The following CNTN1 variants were observed in gnomAD, a reference collection of about 807,000 sequenced individuals.
CNTN1 encodes the protein contactin-1.
CNTN1 carries 38 observed loss-of-function variants against 126.4 expected under a neutral mutation model. The ratio of observed to expected loss-of-function variants is 0.30; its 90% CI spans 0.23 to 0.39. CNTN1 has a LOEUF of 0.39. Ranked by LOEUF, CNTN1 falls within the 10% of genes least tolerant of loss-of-function variation. The pLI is 1.00. For missense variants in CNTN1, 1,009 were observed against 1,248.4 expected (o/e 0.81, Z 2.89); for synonymous variants, 413 against 422.6 (o/e 0.98, Z 0.28).
chr12:40,814,141 T>C (rs577008330), intron 1 of CNTN1, among the ~76,000 whole-genome samples: 48 of 152,360 alleles, frequency 3.2e-4, no homozygotes, highest in African/African-American at 1.1e-3. Flanking sequence ...TCCCATTCTG[T>C]AGTTTGCCTC....
Position 41,070,048 on chromosome 12 carries a change from A to G in CNTN1, c.*13A>G. On this transcript the variant is annotated 3_prime_UTR_variant, in exon 24 of 24. Transcript: ENST00000551295. ...CTTGGAATTCTGAATGTGTTGTGAC[A>G]GCTGCTGTTCCCATCCCAGCTCAGA... is the stretch of plus-strand genomic sequence containing the variant. 1.9e-6 allele frequency: 3 copies of G among 1,612,644 alleles called. No homozygotes were observed. Among genetic ancestry groups the G allele is most frequent in the Non-Finnish European group, 2.5e-6 (3 of 1,178,818 alleles).
chr12:40,704,973 G>C (rs1218365595), intron 1 of CNTN1, among the ~76,000 whole-genome samples: 1 of 152,096 alleles, frequency 6.6e-6, no homozygotes, highest in African/African-American at 2.4e-5. Context: ...GCTTATCCTT[G>C]CAATAAAAAT....
chr12:40,976,594 GT>G (rs758174506), intron 15 of CNTN1, among the ~76,000 whole-genome samples: 3 of 151,840 alleles, frequency 2.0e-5, no homozygotes, highest in Non-Finnish European at 2.9e-5. Flanking sequence ...GTATGGTTGG[GT>G]TTTTTTCATT....
At chr12:40,985,809 T>C (rs1229443645) in intron 16 of CNTN1, among the ~76,000 whole-genome samples, 1 of 152,030 alleles carries the variant, frequency 6.6e-6, no homozygotes, top group Non-Finnish European at 1.5e-5. Context: ...TCTTGACACA[T>C]ATGTTAGATT....
At chr12:40,700,905 C>T (rs766438962) in intron 1 of CNTN1, among the ~76,000 whole-genome samples, 31 of 152,166 alleles carry the variant, frequency 2.0e-4, no homozygotes, top group Non-Finnish European at 4.0e-4. Context: ...CAAAACTTTA[C>T]AAAACCAGTG....
chr12:41,048,261 C>G (rs1455885967), intron 23 of CNTN1, among the ~76,000 whole-genome samples: 1 of 152,142 alleles, frequency 6.6e-6, no homozygotes, highest in Non-Finnish European at 1.5e-5. Flanking sequence ...CTGGGCCATT[C>G]CACTAGATTT....
At chr12:40,848,801 C>A (rs1284423238) in intron 1 of CNTN1, among the ~76,000 whole-genome samples, 1 of 143,352 alleles carries the variant, frequency 7.0e-6, no homozygotes, top group Admixed American at 7.1e-5. Context: ...TATTATAGTT[C>A]AGACACTCTA....
chr12:40,814,588 G>T (rs1420410044), intron 1 of CNTN1, among the ~76,000 whole-genome samples: 2 of 152,142 alleles, frequency 1.3e-5, no homozygotes, highest in South Asian at 2.1e-4. Context: ...ATGCTGTTTT[G>T]GTTACTGTAG....
At chr12:40,733,961 C>T (rs74078570) in intron 1 of CNTN1, among the ~76,000 whole-genome samples, 3 of 151,918 alleles carry the variant, frequency 2.0e-5, no homozygotes, top group South Asian at 2.1e-4. Context: ...TCACCAGGGT[C>T]TCTGTTCCTG....
intron 1 of CNTN1, among the ~76,000 whole-genome samples, chr12:40,739,663 T>TA (rs1047542359): frequency 6.8e-4 from 104 of 152,188 alleles, no homozygotes; most frequent in African/African-American, 2.5e-3. Flanking sequence ...TTTATTTCTT[T>TA]AAGAAATAAT....
chr12:41,048,649 C>A (rs567391164), intron 23 of CNTN1, among the ~76,000 whole-genome samples: 24 of 151,342 alleles, frequency 1.6e-4, no homozygotes, highest in Non-Finnish European at 3.1e-4. Flanking sequence ...TGCAATATTG[C>A]CCACTTTTAA....
At chr12:40,987,323 T>C (rs1458661988) in intron 16 of CNTN1, among the ~76,000 whole-genome samples, 2 of 152,212 alleles carry the variant, frequency 1.3e-5, no homozygotes, top group African/African-American at 2.4e-5. Context: ...GATGAAGAAA[T>C]AGACTATGTA....
chr12:40,733,719 C>A (rs1942553826), intron 1 of CNTN1, among the ~76,000 whole-genome samples: 1 of 151,768 alleles, frequency 6.6e-6, no homozygotes, highest in Admixed American at 6.6e-5. Flanking sequence ...AATAAATATT[C>A]TTTCTTGTCT....
chr12:40,899,864 T>C (rs1178301997), intron 1 of CNTN1, among the ~76,000 whole-genome samples: 4 of 152,176 alleles, frequency 2.6e-5, no homozygotes, highest in Non-Finnish European at 5.9e-5. Flanking sequence ...TTATGAAAAA[T>C]ATGTTAATTA....
At chr12:40,825,378 A>G (rs1281110146) in intron 1 of CNTN1, among the ~76,000 whole-genome samples, 2 of 152,164 alleles carry the variant, frequency 1.3e-5, no homozygotes, top group Non-Finnish European at 2.9e-5. Context: ...AGACATCTTA[A>G]TAGAGATAAC....
chr12:40,946,247 A>C (rs1215431572), intron 14 of CNTN1, among the ~76,000 whole-genome samples: 2 of 152,160 alleles, frequency 1.3e-5, no homozygotes, highest in Admixed American at 6.6e-5. Context: ...CGCTATAAAT[A>C]TTTGATCCAC....
intron 1 of CNTN1, among the ~76,000 whole-genome samples, chr12:40,849,152 T>C (rs1468404752): frequency 6.6e-6 from 1 of 152,108 alleles, no homozygotes; most frequent in African/African-American, 2.4e-5. Context: ...ATCATTAAAA[T>C]GGGGATTAGT....
chr12:40,759,169 G>C (rs1938734278), intron 1 of CNTN1, among the ~76,000 whole-genome samples: 1 of 152,132 alleles, frequency 6.6e-6, no homozygotes, highest in South Asian at 2.1e-4. Context: ...CTCCCAATGT[G>C]CTGGAATTAC....
intron 4 of CNTN1, among the ~76,000 whole-genome samples, 191 bp downstream of exon 4, chr12:40,918,962 A>G (rs1166256568): frequency 6.6e-6 from 1 of 152,198 alleles, no homozygotes; most frequent in African/African-American, 2.4e-5. Context: ...ATATATGCAA[A>G]TAATTCTCTT....
Sources: allele counts gnomAD v4.1 joint callset (sites outside exome capture counted in the v4.1 genomes callset), GRCh38; gene constraint gnomAD v4.1.1; transcripts MANE v1.5; gene names NCBI Gene and HGNC (gene_info 2026-07-23, HGNC 2026-07-21).